Variants in GOPC observed in about 807,000 individuals in gnomAD.
The protein encoded by GOPC is Golgi-associated PDZ and coiled-coil motif-containing protein.
Under a neutral mutation model 51.2 loss-of-function variants are expected in GOPC, and 32 were observed. The observed-to-expected ratio is 0.63, with a 90% CI of 0.47 to 0.84. The LOEUF (loss-of-function observed/expected upper bound fraction) is 0.84, where lower values mean the gene tolerates loss of function less well. Ranked by LOEUF, GOPC falls within the 40% of genes least tolerant of loss-of-function variation. The pLI, the probability that GOPC is intolerant of heterozygous loss-of-function variation, is 0.00. For synonymous variants in GOPC, 190 were observed against 205.1 expected (o/e 0.93, Z 0.63); for missense variants, 441 against 555.5 (o/e 0.79, Z 2.07).
chr6:117,596,175 G>T (rs1292799511), intron 1 of GOPC, among the ~76,000 whole-genome samples: 1 of 151,916 alleles, frequency 6.6e-6, no homozygotes, highest in Non-Finnish European at 1.5e-5. Flanking sequence ...TTTCATGTTT[G>T]TTGGCCATTT....
At chr6:117,585,614 C>T (rs1562145002) in intron 1 of GOPC, among the ~76,000 whole-genome samples, 1 of 152,182 alleles carries the variant, frequency 6.6e-6, no homozygotes, top group Non-Finnish European at 1.5e-5. Context: ...CTCCTCCTGA[C>T]ATCCTTTGTA....
intron 1 of GOPC, among the ~76,000 whole-genome samples, chr6:117,598,363 G>A (rs1326672055): frequency 6.6e-6 from 1 of 151,716 alleles, no homozygotes. Flanking sequence ...ACAGAGTGAG[G>A]CCCTGTCTCA....
chr6:117,576,784 G>T (rs961635010), intron 3 of GOPC, among the ~76,000 whole-genome samples: 1 of 151,894 alleles, frequency 6.6e-6, no homozygotes, highest in African/African-American at 2.4e-5. Flanking sequence ...AATTTTCTTG[G>T]TTCTTAGTTA....
At chr6:117,563,411 GAC>G in intron 8 of GOPC, 27 bp from the exon 9 acceptor site, 1 of 1,610,224 alleles carries the variant, frequency 6.2e-7, no homozygotes, top group South Asian at 1.1e-5. Context: ...AAAAAAAGCA[GAC>G]ACTTTCTGGT....
chr6:117,581,359 C>T (rs948679436), intron 1 of GOPC, among the ~76,000 whole-genome samples: 7 of 152,138 alleles, frequency 4.6e-5, no homozygotes, highest in African/African-American at 1.7e-4. Context: ...AAAACTTCTT[C>T]ATTCCTTTTT....
At chr6:117,579,158 C>A in intron 1 of GOPC, 94 bp from the exon 2 acceptor site, 1 of 946,104 alleles carries the variant, frequency 1.1e-6, no homozygotes, top group Non-Finnish European at 1.5e-6. Flanking sequence ...GAGAGACTAC[C>A]TTTGAAATAA....
intron 1 of GOPC, among the ~76,000 whole-genome samples, chr6:117,589,611 C>A (rs1380114335): frequency 1.3e-5 from 2 of 151,822 alleles, no homozygotes; most frequent in Non-Finnish European, 2.9e-5. Context: ...TGAGCCACTG[C>A]GCCCAGCCCT....
At position 117,563,080 on chromosome 6, in the gene GOPC, A is replaced by T. The variant is rs1375471708; in HGVS notation, c.*174T>A. The T allele has an allele frequency of 2.9e-5, 17 of 589,892 alleles. No homozygotes were observed. Among genetic ancestry groups the T allele is most frequent in the Non-Finnish European group, 4.5e-5 (15 of 334,846 alleles). 36.5% of individuals were successfully genotyped at this position (589,892 alleles called of 1,614,324 possible). On this transcript the variant is annotated 3_prime_UTR_variant, in exon 9 of 9. Coordinates refer to ENST00000368498, the MANE Select transcript of GOPC (RefSeq NM_020399.4). ...GCAATAGCTAATTATGGTCTACCAC[A>T]GAAAACAGGGTGTTTTATGCATTGA...
chr6:117,583,577 C>A (rs530118799), intron 1 of GOPC, among the ~76,000 whole-genome samples: 2 of 152,218 alleles, frequency 1.3e-5, no homozygotes, highest in East Asian at 1.9e-4. Context: ...AGCCTTTCAT[C>A]CTATTTGTCA....
intron 1 of GOPC, among the ~76,000 whole-genome samples, chr6:117,591,796 T>G (rs952108964): frequency 3.3e-5 from 5 of 152,324 alleles, no homozygotes; most frequent in African/African-American, 7.2e-5. Context: ...ATTTGAATTT[T>G]AGAGAGATAC....
chr6:117,564,332 T>C (rs957298240), intron 8 of GOPC, among the ~76,000 whole-genome samples: 2 of 152,210 alleles, frequency 1.3e-5, no homozygotes, highest in Non-Finnish European at 2.9e-5. Flanking sequence ...TCTACTTATA[T>C]AAATATCTAC....
Position 117,562,109 on chromosome 6 carries a change from A to G in GOPC, c.*1145T>C. ...GTTACAATGACCTGCAGAATATTAA[A>G]TCAGAGAGGAGGCACTCCATGTTTA... On this transcript the variant is annotated 3_prime_UTR_variant, in exon 9 of 9. Transcript: ENST00000368498. 4.8e-6 allele frequency: 1 copy of G among 206,638 alleles called. No individual in the cohort carries two copies. The highest frequency in any genetic ancestry group is 9.9e-6 in the Non-Finnish European group (1 of 101,198). 12.8% of individuals were successfully genotyped at this position (206,638 alleles called of 1,614,324 possible). A position where few individuals can be genotyped will look rare whatever the true frequency, so the allele number is the denominator to read the frequency against.
In GOPC at chr6:117,562,011, G is replaced by C. The variant is rs1172514601; in HGVS notation, c.*1243C>G. The C allele has an allele frequency of 4.9e-6, 1 of 205,756 alleles. No individual in the cohort carries two copies. Among genetic ancestry groups the C allele is most frequent in the Non-Finnish European group, 9.9e-6 (1 of 100,508 alleles). The allele number at this position is 205,756 out of a possible 1,614,324, so 12.7% of individuals were successfully genotyped here. ...TCTCCCACTTAATATTCCTTTAACT[G>C]TACGTCCTTTAAAACAGTGATATTA... On this transcript the variant is annotated 3_prime_UTR_variant, in exon 9 of 9. Transcript: ENST00000368498.
intron 7 of GOPC, among the ~76,000 whole-genome samples, chr6:117,567,677 TTA>T (rs1189559214): frequency 1.3e-5 from 2 of 152,044 alleles, no homozygotes; most frequent in Non-Finnish European, 2.9e-5. Flanking sequence ...TTACTATAAA[TTA>T]TAGCCTTCAA....
intron 1 of GOPC, among the ~76,000 whole-genome samples, chr6:117,589,067 C>T (rs1165229420): frequency 6.6e-6 from 1 of 152,120 alleles, no homozygotes; most frequent in Non-Finnish European, 1.5e-5. Context: ...AAAAACAAAT[C>T]ACGCAAAAAA....
At chr6:117,579,901 C>G (rs1237959298) in intron 1 of GOPC, among the ~76,000 whole-genome samples, 1 of 152,000 alleles carries the variant, frequency 6.6e-6, no homozygotes, top group African/African-American at 2.4e-5. Context: ...ATGCCCTTGA[C>G]AAGCTTTCAT....
chr6:117,573,627 TGGACCCTTCA>T lies in GOPC; in HGVS notation c.651-5_655del. ...ATCTCGTCCTAGCAATTGTATCTGTTGGACCCTTCATATTGGGAAAAGAGTACATTGATTT... is the reference window on the plus strand; with the variant it reads ...ATCTCGTCCTAGCAATTGTATCTGTTTATTGGGAAAAGAGTACATTGATTT... On this transcript the variant is annotated splice_acceptor_variant and splice_polypyrimidine_tract_variant and coding_sequence_variant and intron_variant, in exon 5 of 9. Coordinates refer to ENST00000368498, the MANE Select transcript of GOPC (RefSeq NM_020399.4). LOFTEE classifies it high-confidence loss of function. 6.2e-7 allele frequency: 1 copy of T among 1,609,806 alleles called. No homozygotes were observed. Among genetic ancestry groups the T allele is most frequent in the Non-Finnish European group, 8.5e-7 (1 of 1,177,778 alleles).
At chr6:117,564,513 T>TA (rs1166256874) in intron 8 of GOPC, among the ~76,000 whole-genome samples, 7 of 152,142 alleles carry the variant, frequency 4.6e-5, no homozygotes, top group Non-Finnish European at 8.8e-5. Flanking sequence ...AATAGGCTTA[T>TA]AAATAAATAA....
intron 5 of GOPC, among the ~76,000 whole-genome samples, chr6:117,571,265 A>T (rs1324420006): frequency 6.6e-6 from 1 of 152,204 alleles, no homozygotes; most frequent in East Asian, 1.9e-4. Context: ...AAATATCCTC[A>T]AAAAATAAAA....
Sources: allele counts gnomAD v4.1 joint callset (sites outside exome capture counted in the v4.1 genomes callset), GRCh38; gene constraint gnomAD v4.1.1; transcripts MANE v1.5; gene names NCBI Gene and HGNC (gene_info 2026-07-23, HGNC 2026-07-21).